The following ROBO1 variants were observed in gnomAD, a reference collection of about 807,000 sequenced individuals.
The protein encoded by ROBO1 is roundabout homolog 1.
In ROBO1, 149 loss-of-function variants were observed where a neutral mutation model predicts 195.9. That is an observed-to-expected ratio of 0.76 (90% confidence interval 0.67 to 0.87). The LOEUF (loss-of-function observed/expected upper bound fraction) is 0.87, where lower values mean the gene tolerates loss of function less well. Ranked by LOEUF, ROBO1 falls within the 40% of genes least tolerant of loss-of-function variation. ROBO1 has a pLI of 0.00. For synonymous variants in ROBO1, 816 were observed against 733.2 expected, an observed-to-expected ratio of 1.11 and a Z score of -1.82; for missense variants, 1,933 against 2,068.3, an observed-to-expected ratio of 0.93 and a Z score of 1.27.
chr3:79,000,053 T>C (rs2077462597), intron 3 of ROBO1, among the ~76,000 whole-genome samples: 1 of 152,100 alleles, frequency 6.6e-6, no homozygotes, highest in African/African-American at 2.4e-5. Flanking sequence ...ATTAATTCGT[T>C]CCCATGCTGC....
At chr3:79,671,797 A>G (rs1003620694) in intron 1 of ROBO1, among the ~76,000 whole-genome samples, 20 of 151,912 alleles carry the variant, frequency 1.3e-4, no homozygotes, top group Admixed American at 1.2e-3. Flanking sequence ...TATACACAGT[A>G]AACAATAACA....
intron 2 of ROBO1, among the ~76,000 whole-genome samples, chr3:79,503,020 G>T (rs532373200): frequency 5.9e-5 from 9 of 152,156 alleles, no homozygotes; most frequent in East Asian, 1.9e-4. Flanking sequence ...AAAGCAGGCT[G>T]CGTGAGCTAA....
Position 78,648,743 on chromosome 3 carries a change from T to G in ROBO1, c.2813-1088A>C, listed in dbSNP as rs77146353. The stretch of plus-strand genomic sequence containing the variant: ...CTCTAAGATTAAAGTTTCTTTAAAA[T>G]AATCTTTAGTAGAAACAAACTAGAA... On this transcript the variant is annotated intron_variant, in intron 19 of 30. Transcript: ENST00000464233. Among the ~76,000 whole-genome samples, 749 of 151,914 alleles carry G rather than the reference T, an allele frequency of 4.9e-3. 5 individuals carry two copies. The highest frequency in any genetic ancestry group is 0.017 in the African/African-American group (713 of 41,440).
intron 1 of ROBO1, among the ~76,000 whole-genome samples, chr3:79,765,842 T>C (rs1202719838): frequency 6.6e-6 from 1 of 152,102 alleles, no homozygotes; most frequent in Non-Finnish European, 1.5e-5. Flanking sequence ...CGCTCCTTCC[T>C]CTGTGCGCTC....
rs564484580 is a variant in ROBO1, at chr3:78,782,644, T to C, written c.500-35744A>G. ...TCACTAGTTCCCTGTTCACACTGGCTTTCCTGAATCTATAAACACCACTGT... is the reference window on the plus strand; with the variant it reads ...TCACTAGTTCCCTGTTCACACTGGCCTTCCTGAATCTATAAACACCACTGT... On this transcript the variant is annotated intron_variant, in intron 4 of 30. Coordinates refer to ENST00000464233, the MANE Select transcript of ROBO1 (RefSeq NM_002941.4). Among the ~76,000 whole-genome samples the C allele has an allele frequency of 1.8e-4, 27 of 152,334 alleles. No homozygotes were observed. The East Asian group carries it at 4.6e-3, about 26-fold the overall frequency.
At chr3:79,638,855 G>A (rs1945574129) in intron 1 of ROBO1, among the ~76,000 whole-genome samples, 1 of 151,944 alleles carries the variant, frequency 6.6e-6, no homozygotes, top group Non-Finnish European at 1.5e-5. Context: ...ACCTAATATT[G>A]GCATCAAAGA....
chr3:79,452,016 T>A (rs1575843640), intron 2 of ROBO1, among the ~76,000 whole-genome samples: 1 of 152,116 alleles, frequency 6.6e-6, no homozygotes, highest in East Asian at 1.9e-4. Context: ...TTATGCAACT[T>A]TTTTTTATTT....
intron 2 of ROBO1, among the ~76,000 whole-genome samples, chr3:79,223,675 T>C (rs1013086966): frequency 2.6e-5 from 4 of 152,134 alleles, no homozygotes; most frequent in African/African-American, 4.8e-5. Flanking sequence ...TTACACAACA[T>C]GTTTACAATC....
chr3:78,899,700 A>G (rs1339207852), intron 4 of ROBO1, among the ~76,000 whole-genome samples: 1 of 152,168 alleles, frequency 6.6e-6, no homozygotes, highest in Admixed American at 6.5e-5. Context: ...GAAGAAACAC[A>G]AGTGATAGCA....
intron 3 of ROBO1, among the ~76,000 whole-genome samples, chr3:79,065,359 T>A (rs894347557): frequency 1.3e-5 from 2 of 151,922 alleles, no homozygotes; most frequent in African/African-American, 4.8e-5. Context: ...AACACCTGAA[T>A]ATATTGTATC....
At chr3:79,730,664 C>G (rs2107350734) in intron 1 of ROBO1, among the ~76,000 whole-genome samples, 1 of 151,574 alleles carries the variant, frequency 6.6e-6, no homozygotes, top group African/African-American at 2.4e-5. Context: ...CATCAGATCT[C>G]TAACATCTGG....
rs556644547 is a variant in ROBO1, at chr3:78,735,537, T to A, written c.657+11206A>T. On this transcript the variant is annotated intron_variant, in intron 5 of 30. Transcript: ENST00000464233. The stretch of plus-strand genomic sequence containing the variant: ...TGACAACCTCCAATATTCAGTCATT[T>A]AAGATGAATTTCTATATGTTCGTAA... Among the ~76,000 whole-genome samples, 6 of 152,292 alleles carry A rather than the reference T, an allele frequency of 3.9e-5. No individual in the cohort carries two copies. In the East Asian group the frequency reaches 1.2e-3, roughly 29 times the overall value.
intron 3 of ROBO1, among the ~76,000 whole-genome samples, chr3:79,035,708 G>A (rs1377909330): frequency 2.0e-5 from 3 of 151,294 alleles, no homozygotes; most frequent in Non-Finnish European, 2.9e-5. Flanking sequence ...TCCAAACTGG[G>A]CAACAGTACG....
intron 3 of ROBO1, among the ~76,000 whole-genome samples, chr3:79,077,705 A>G (rs1467195459): frequency 6.6e-6 from 1 of 151,870 alleles, no homozygotes; most frequent in East Asian, 1.9e-4. Flanking sequence ...GTCATGTTTC[A>G]TTTGATATTT....
chr3:78,719,635 T>C (rs1303889684), intron 5 of ROBO1, among the ~76,000 whole-genome samples: 1 of 152,192 alleles, frequency 6.6e-6, no homozygotes, highest in African/African-American at 2.4e-5. Context: ...ATTACTATAT[T>C]TTAAATGTTC....
chr3:79,068,457 G>C (rs1367473463), intron 3 of ROBO1, among the ~76,000 whole-genome samples: 1 of 151,688 alleles, frequency 6.6e-6, no homozygotes, highest in African/African-American at 2.4e-5. Context: ...GTTGTTCAAA[G>C]TATCTTCGAT....
At chr3:79,149,684 GT>G (rs2080726445) in intron 2 of ROBO1, among the ~76,000 whole-genome samples, 1 of 151,784 alleles carries the variant, frequency 6.6e-6, no homozygotes, top group Non-Finnish European at 1.5e-5. Context: ...TTAGGTTTCA[GT>G]GTTTTGGCGA....
At chr3:79,183,963 T>C (rs1346016627) in intron 2 of ROBO1, among the ~76,000 whole-genome samples, 1 of 152,214 alleles carries the variant, frequency 6.6e-6, no homozygotes, top group Non-Finnish European at 1.5e-5. Context: ...TGCAAACTTG[T>C]TATTCAATTA....
At chr3:79,588,469 A>C (rs1309787529) in intron 2 of ROBO1, among the ~76,000 whole-genome samples, 1 of 151,726 alleles carries the variant, frequency 6.6e-6, no homozygotes, top group African/African-American at 2.4e-5. Context: ...TTAGCTGGCC[A>C]TACAGTTTAA....
Sources: allele counts gnomAD v4.1 joint callset (sites outside exome capture counted in the v4.1 genomes callset), GRCh38; gene constraint gnomAD v4.1.1; transcripts MANE v1.5; gene names NCBI Gene and HGNC (gene_info 2026-07-23, HGNC 2026-07-21).